NMT1: variants seen among roughly 807,000 people sequenced by gnomAD.
NMT1 encodes N-myristoyltransferase 1, also known as glycylpeptide N-tetradecanoyltransferase 1.
Under a neutral mutation model 63.4 loss-of-function variants are expected in NMT1, and 12 were observed. The ratio of observed to expected loss-of-function variants is 0.19; its 90% CI spans 0.12 to 0.31. The LOEUF (loss-of-function observed/expected upper bound fraction) is 0.31, where lower values mean the gene tolerates loss of function less well. NMT1 is among the 10% of genes least tolerant of loss of function. The probability of loss-of-function intolerance (pLI) is 1.00; values close to 1 mark genes in which losing one functional copy is unlikely to be tolerated. For missense variants in NMT1, 432 were observed against 634.6 expected (o/e 0.68, Z 3.43); for synonymous variants, 228 against 234.3 (o/e 0.97, Z 0.25).
chr17:45,078,442 G>A (rs1598007433), intron 1 of NMT1, among the ~76,000 whole-genome samples: 1 of 152,086 alleles, frequency 6.6e-6, no homozygotes, highest in Admixed American at 6.6e-5. Flanking sequence ...AAGACATTCT[G>A]TGAAGAGAAT....
At chr17:45,098,809 T>TG (rs2054142881) in intron 7 of NMT1, 1 of 444,894 alleles carries the variant, frequency 2.2e-6, no homozygotes, top group Admixed American at 3.5e-5. Context: ...TTGGAGATGG[T>TG]GGGGGGCGGT....
intron 4 of NMT1, 30 bp downstream of exon 4, chr17:45,093,833 C>A (rs776471591): frequency 6.5e-7 from 1 of 1,548,738 alleles, no homozygotes; most frequent in South Asian, 1.1e-5. Flanking sequence ...GTTACACCTG[C>A]GGGTAGGAGC....
intron 1 of NMT1, among the ~76,000 whole-genome samples, chr17:45,073,115 G>C (rs1317494084): frequency 6.6e-6 from 1 of 152,014 alleles, no homozygotes; most frequent in Non-Finnish European, 1.5e-5. Context: ...AGGCGCTGTG[G>C]GAAGCAGCTG....
chr17:45,087,012 A>G (rs933638191), intron 3 of NMT1, among the ~76,000 whole-genome samples: 6 of 151,046 alleles, frequency 4.0e-5, no homozygotes, highest in Admixed American at 4.0e-4. Context: ...AAAAAAAAAA[A>G]TAGCCAGGCA....
chr17:45,093,827 C>T (rs2054105523), intron 4 of NMT1, 24 bp downstream of exon 4: 1 of 1,585,980 alleles, frequency 6.3e-7, no homozygotes. Flanking sequence ...CAGAAGGTTA[C>T]ACCTGCGGGT....
intron 8 of NMT1, 86 bp from the exon 9 acceptor site, chr17:45,102,865 T>C: frequency 7.6e-7 from 1 of 1,308,970 alleles, no homozygotes; most frequent in South Asian, 1.6e-5. Context: ...CCAGGGATTC[T>C]CTCTTGAGGG....
In NMT1 at chr17:45,103,264, T is replaced by A; in HGVS notation, c.1164+143T>A. The A allele has an allele frequency of 1.3e-6, 1 of 785,996 alleles. No individual in the cohort carries two copies. Among genetic ancestry groups the A allele is most frequent in the Non-Finnish European group, 2.0e-6 (1 of 492,104 alleles). 48.7% of individuals were successfully genotyped at this position (785,996 alleles called of 1,614,324 possible). A position where few individuals can be genotyped will look rare whatever the true frequency, so the allele number is the denominator to read the frequency against. ...TTGGTCCTCCCTAAAAACAGGGAGT[T>A]GGTGCTTGAATTTGCTGAAAAGATA... is the stretch of plus-strand genomic sequence containing the variant. On this transcript the variant is annotated intron_variant, in intron 9 of 11. Coordinates refer to ENST00000258960, the MANE Select transcript of NMT1 (RefSeq NM_021079.5). The surrounding 1 kb of genome is among the most constrained non-coding windows in gnomAD (Gnocchi z 4.8).
At chr17:45,067,188 G>A (rs1340703125) in intron 1 of NMT1, among the ~76,000 whole-genome samples, 1 of 150,546 alleles carries the variant, frequency 6.6e-6, no homozygotes, top group Non-Finnish European at 1.5e-5. Flanking sequence ...TTTTTAATGA[G>A]AGTCTTTCCA....
At chr17:45,097,059 C>T (rs1484138457) in intron 5 of NMT1, 69 bp from the exon 6 acceptor site, 1 of 1,306,684 alleles carries the variant, frequency 7.7e-7, no homozygotes, top group African/African-American at 1.5e-5. Flanking sequence ...CCAAATTTGG[C>T]TGTGGAGCCC....
At position 45,096,534 on chromosome 17, in the gene NMT1, TCTGGTGA is replaced by T. The variant is rs201346099; in HGVS notation, c.596+252_596+258del. 7.8e-3 allele frequency among the ~76,000 whole-genome samples: 1,192 copies of T among 152,354 alleles called. 13 individuals are homozygous for T. The highest frequency in any genetic ancestry group is 0.027 in the African/African-American group (1,117 of 41,576). ...GTACCCAGGGAAGAGGTATTCATTG[TCTGGTGA>T]CTTTATATAAGAAAGGAACGGGCAT... is the stretch of plus-strand genomic sequence containing the variant. On this transcript the variant is annotated intron_variant, in intron 5 of 11. Coordinates refer to ENST00000258960, the MANE Select transcript of NMT1 (RefSeq NM_021079.5).
At chr17:45,071,409 CTT>C (rs771648457) in intron 1 of NMT1, 4 of 152,150 alleles carry the variant, frequency 2.6e-5, no homozygotes, top group Non-Finnish European at 5.9e-5. Flanking sequence ...TAACTCCTGT[CTT>C]TTTGTTTTTC....
chr17:45,072,445 A>G (rs1177360917), intron 1 of NMT1, among the ~76,000 whole-genome samples: 2 of 148,818 alleles, frequency 1.3e-5, no homozygotes, highest in Non-Finnish European at 3.0e-5. Context: ...CTATTTTTTT[A>G]GTAGAGATGG....
chr17:45,093,753 C>T lies in NMT1; in HGVS notation c.454C>T (p.Leu152=). Residue 152 remains leucine, a synonymous_variant, in exon 4 of 12, where the codon CTG becomes TTG. Coordinates refer to ENST00000258960, the MANE Select transcript of NMT1 (RefSeq NM_021079.5). Reference sequence around the variant, plus strand: ...CAATATCCGCCAGGAGCCCTACACCCTGCCCCAGGGCTTCACCTGGGATGC... The same window carrying T: ...CAATATCCGCCAGGAGCCCTACACCTTGCCCCAGGGCTTCACCTGGGATGC... ...KDNIRQEPYT[L]PQGFTWDALD... 6.2e-7 allele frequency: 1 copy of T among 1,614,266 alleles called. No individual in the cohort carries two copies. The highest frequency in any genetic ancestry group is 8.5e-7 in the Non-Finnish European group (1 of 1,180,038).
chr17:45,082,820 A>C (rs2054025154), intron 2 of NMT1, among the ~76,000 whole-genome samples: 1 of 151,504 alleles, frequency 6.6e-6, no homozygotes, highest in Admixed American at 6.6e-5. Flanking sequence ...GTTCAAGACC[A>C]CCCTGGCCAA....
rs78867706 is a variant in NMT1, at chr17:45,108,527, C to T, written c.*2888C>T. ...AGTCCCTGTGGTCCTGAATTCTTTCCCCAAAGACGACCAGCATTTAACCAA... is the reference window on the plus strand; with the variant it reads ...AGTCCCTGTGGTCCTGAATTCTTTCTCCAAAGACGACCAGCATTTAACCAA... On this transcript the variant is annotated 3_prime_UTR_variant, in exon 12 of 12. Transcript: ENST00000258960. 1,122 of 152,778 alleles carry T rather than the reference C, an allele frequency of 7.3e-3. 7 individuals carry two copies. The highest frequency in any genetic ancestry group is 0.025 in the East Asian group (129 of 5,182). 9.5% of individuals were successfully genotyped at this position (152,778 alleles called of 1,614,324 possible).
chr17:45,070,255 TTGTG>T (rs56797954), intron 1 of NMT1, among the ~76,000 whole-genome samples: 9 of 150,736 alleles, frequency 6.0e-5, no homozygotes, highest in African/African-American at 2.2e-4. Flanking sequence ...GTACCTTTTT[TTGTG>T]TGTGTGTGTG....
chr17:45,065,893 A>G (rs1225606081), intron 1 of NMT1, among the ~76,000 whole-genome samples: 1 of 148,546 alleles, frequency 6.7e-6, no homozygotes, highest in Non-Finnish European at 1.5e-5. Flanking sequence ...TTTTTTTTTT[A>G]AAGAGACTGT....
intron 3 of NMT1, among the ~76,000 whole-genome samples, chr17:45,092,090 C>G (rs1442412647): frequency 6.6e-6 from 1 of 152,114 alleles, no homozygotes; most frequent in East Asian, 1.9e-4. Flanking sequence ...GTTGGGAAGC[C>G]TGATTACCAA....
chr17:45,089,669 C>T (rs930147897), intron 3 of NMT1, among the ~76,000 whole-genome samples: 3 of 151,770 alleles, frequency 2.0e-5, no homozygotes, highest in Non-Finnish European at 2.9e-5. Context: ...GACAGGATCT[C>T]GCTCTGCTGC....
Sources: gnomAD v4.1 joint callset for allele counts (sites outside exome capture counted in the v4.1 genomes callset) on GRCh38, gnomAD v4.1.1 for gene constraint, Gnocchi (gnomAD v3.1) non-coding constraint, MANE v1.5 for transcripts, NCBI Gene and HGNC (gene_info 2026-07-23, HGNC 2026-07-21) for gene names.